Variants in ADGRL2 observed in about 807,000 individuals in gnomAD.
The protein encoded by ADGRL2 is adhesion G protein-coupled receptor L2.
In ADGRL2, 44 loss-of-function variants were observed where a neutral mutation model predicts 157.4. The observed-to-expected ratio is 0.28, with a 90% confidence interval of 0.22 to 0.36. The LOEUF (loss-of-function observed/expected upper bound fraction) is 0.36, where lower values mean the gene tolerates loss of function less well. Ranked by LOEUF, ADGRL2 falls within the 10% of genes least tolerant of loss-of-function variation. ADGRL2 has a pLI of 1.00. For synonymous variants in ADGRL2, 585 were observed against 624.7 expected, an observed-to-expected ratio of 0.94 and a Z score of 0.95; for missense variants, 1,510 against 1,768.9, an observed-to-expected ratio of 0.85 and a Z score of 2.63.
intron 1 of ADGRL2, among the ~76,000 whole-genome samples, chr1:81,380,572 G>A (rs765709932): frequency 7.2e-5 from 11 of 152,076 alleles, no homozygotes; most frequent in Non-Finnish European, 1.2e-4. Flanking sequence ...GGAATACATG[G>A]ATTTTTTCCA....
chr1:81,384,616 G>T (rs1286040459), intron 1 of ADGRL2, among the ~76,000 whole-genome samples: 2 of 152,136 alleles, frequency 1.3e-5, no homozygotes, highest in Non-Finnish European at 2.9e-5. Flanking sequence ...AAATCAGAAT[G>T]TACTATTTCA....
chr1:81,852,491 A>G (rs1002390271), intron 2 of ADGRL2, among the ~76,000 whole-genome samples: 2 of 152,160 alleles, frequency 1.3e-5, no homozygotes, highest in Non-Finnish European at 2.9e-5. Flanking sequence ...TTGTCATTTA[A>G]TAATGAAGAG....
At chr1:81,410,647 T>C (rs772586274) in intron 1 of ADGRL2, among the ~76,000 whole-genome samples, 2 of 152,182 alleles carry the variant, frequency 1.3e-5, no homozygotes, top group Non-Finnish European at 2.9e-5. Flanking sequence ...AATTGATATG[T>C]GGGAGAAAAG....
At chr1:81,721,715 G>A (rs545071167) in intron 1 of ADGRL2, 60 of 1,388,882 alleles carry the variant, frequency 4.3e-5, no homozygotes, top group Non-Finnish European at 5.4e-5. Context: ...CAAAGTGAAC[G>A]AGCAGGCCCT....
At chr1:81,907,339 T>C (rs1003177755) in intron 3 of ADGRL2, 109 bp downstream of exon 3, 2 of 867,408 alleles carry the variant, frequency 2.3e-6, no homozygotes, top group African/African-American at 3.4e-5. Context: ...AGCCTATTTA[T>C]TAAACTGAGT....
At chr1:81,363,189 G>A (rs1417802903) in intron 1 of ADGRL2, among the ~76,000 whole-genome samples, 1 of 152,026 alleles carries the variant, frequency 6.6e-6, no homozygotes, top group African/African-American at 2.4e-5. Context: ...ATTTAGTAAT[G>A]TGTAGTATTC....
chr1:81,986,883 T>G lies in ADGRL2; in HGVS notation c.3509-18T>G, dbSNP rs1349341916. On this transcript the variant is annotated intron_variant, in intron 21 of 23. Coordinates refer to ENST00000686636, the MANE Select transcript of ADGRL2 (RefSeq NM_001366006.2). ...GTACTTTTCTCTGTTTTTTTGTTGT[T>G]TTTTTTTTTTACTTTAGGAATGACT... The G allele has an allele frequency of 1.4e-6, 2 of 1,461,640 alleles. No individual in the cohort carries two copies. The highest frequency in any genetic ancestry group is 9.3e-7 in the Non-Finnish European group (1 of 1,077,928). 90.5% of individuals were successfully genotyped at this position (1,461,640 alleles called of 1,614,324 possible). A position where few individuals can be genotyped will look rare whatever the true frequency, so the allele number is the denominator to read the frequency against.
intron 2 of ADGRL2, among the ~76,000 whole-genome samples, chr1:81,544,970 T>C (rs1227201502): frequency 6.6e-6 from 1 of 152,168 alleles, no homozygotes; most frequent in East Asian, 1.9e-4. Context: ...ATCTGAAACC[T>C]GCTCCTTCTC....
intron 2 of ADGRL2, among the ~76,000 whole-genome samples, chr1:81,493,664 C>T (rs761858761): frequency 6.6e-6 from 1 of 152,130 alleles, no homozygotes; most frequent in Non-Finnish European, 1.5e-5. Context: ...GGCTTTGTCA[C>T]TCAGCCTGTA....
intron 11 of ADGRL2, among the ~76,000 whole-genome samples, chr1:81,959,551 C>A (rs1654659667): frequency 6.6e-6 from 1 of 152,024 alleles, no homozygotes. Flanking sequence ...AATCCTGTTC[C>A]ACTTAACTCC....
rs80327519 is a variant in ADGRL2, at chr1:81,356,971, A to AAAAGAAG, written c.-302+50464_-302+50465insAGAAGAA. Among the ~76,000 whole-genome samples, 62 of 99,388 alleles carry AAAAGAAG rather than the reference A, an allele frequency of 6.2e-4. 1 individual carries two copies. The highest frequency in any genetic ancestry group is 1.9e-3 in the African/African-American group (60 of 31,238). 65.2% of individuals were successfully genotyped at this position (99,388 alleles called of 152,430 possible). ...CCGTCTCAAAAAAAAAAAAAAAAAA[A>AAAAGAAG]AAGAAGTTGTTTCCTTTTAAAGCTC... On this transcript the variant is annotated intron_variant, in intron 1 of 24. Transcript: ENST00000370721.
At chr1:81,670,541 C>T (rs12144336) in intron 3 of ADGRL2, among the ~76,000 whole-genome samples, 30,012 of 152,106 alleles carry the variant, frequency 0.2, 3,786 homozygotes, top group South Asian at 0.35. Flanking sequence ...CAGTGCCACG[C>T]TGGCAGTAGT....
At chr1:81,650,506 G>A (rs1236028060) in intron 3 of ADGRL2, among the ~76,000 whole-genome samples, 2 of 151,218 alleles carry the variant, frequency 1.3e-5, no homozygotes, top group Non-Finnish European at 2.9e-5. Flanking sequence ...AACCCAGGAG[G>A]TGGAGGTTGC....
At chr1:81,451,069 GTT>G (rs2077694767) in intron 2 of ADGRL2, among the ~76,000 whole-genome samples, 1 of 152,078 alleles carries the variant, frequency 6.6e-6, no homozygotes, top group Non-Finnish European at 1.5e-5. Context: ...GTCTCACCTT[GTT>G]TTCACATACT....
chr1:81,915,013 C>T (rs1229352049), intron 3 of ADGRL2, among the ~76,000 whole-genome samples: 1 of 152,116 alleles, frequency 6.6e-6, no homozygotes, highest in African/African-American at 2.4e-5. Flanking sequence ...GATAAATTAT[C>T]TAAATATCTT....
At chr1:81,878,059 A>T (rs2093888039) in intron 2 of ADGRL2, among the ~76,000 whole-genome samples, 1 of 152,164 alleles carries the variant, frequency 6.6e-6, no homozygotes, top group South Asian at 2.1e-4. Context: ...ATAAACATTT[A>T]TAGTTTCTGC....
Position 81,405,562 on chromosome 1 carries a change from A to G in ADGRL2, c.-301-39474A>G, listed in dbSNP as rs533037726. Among the ~76,000 whole-genome samples the G allele has an allele frequency of 2.6e-5, 4 of 150,956 alleles. No individual in the cohort carries two copies. The East Asian group carries it at 7.8e-4, about 30-fold the overall frequency. On this transcript the variant is annotated intron_variant, in intron 1 of 24. Transcript: ENST00000370721. ...CTACTATGGAGGCTGAGGTGGGAGG[A>G]TCACCTGAGCCTGGGAGGCAGAGGC...
At chr1:81,801,816 A>G (rs1178487355) in intron 1 of ADGRL2, among the ~76,000 whole-genome samples, 2 of 151,962 alleles carry the variant, frequency 1.3e-5, no homozygotes, top group Non-Finnish European at 2.9e-5. Flanking sequence ...AGGGACTCCC[A>G]AGTCTGCGCA....
chr1:81,516,236 A>AT (rs908179605), intron 2 of ADGRL2, among the ~76,000 whole-genome samples: 2 of 151,940 alleles, frequency 1.3e-5, no homozygotes, highest in African/African-American at 4.8e-5. Context: ...TACTTTTTTT[A>AT]TTTTTTCAAA....
Sources: allele counts gnomAD v4.1 joint callset (sites outside exome capture counted in the v4.1 genomes callset), GRCh38; gene constraint gnomAD v4.1.1; transcripts MANE v1.5; gene names NCBI Gene and HGNC (gene_info 2026-07-23, HGNC 2026-07-21).